SH2D7: variants seen among roughly 807,000 people sequenced by gnomAD.
The protein encoded by SH2D7 is SH2 domain containing 7.
Under a neutral mutation model 40.8 loss-of-function variants are expected in SH2D7, and 32 were observed. The ratio of observed to expected loss-of-function variants is 0.78; its 90% confidence interval spans 0.59 to 1.05. The LOEUF (loss-of-function observed/expected upper bound fraction) is 1.05, where lower values mean the gene tolerates loss of function less well. SH2D7 is among the 50% of genes least tolerant of loss of function. The pLI, the probability that SH2D7 is intolerant of heterozygous loss-of-function variation, is 0.00. For synonymous variants in SH2D7, 195 were observed against 221.5 expected (o/e 0.88, Z 1.06); for missense variants, 559 against 566.6 (o/e 0.99, Z 0.14).
chr15:78,103,574 T>C lies in SH2D7; in HGVS notation c.*59T>C. ...CCTGGTACCCAGGCCATGCCAGGGG[T>C]TATCGCAAAGGCCTCAGCTCACTTG... On this transcript the variant is annotated 3_prime_UTR_variant, in exon 6 of 6. Transcript: ENST00000328828. The C allele has an allele frequency of 6.5e-7, 1 of 1,541,716 alleles. No homozygotes were observed. Among genetic ancestry groups the C allele is most frequent in the African/African-American group, 1.4e-5 (1 of 72,960 alleles).
intron 5 of SH2D7, 119 bp from the exon 6 acceptor site, chr15:78,103,346 C>A: frequency 8.7e-7 from 1 of 1,145,852 alleles, no homozygotes; most frequent in Non-Finnish European, 1.2e-6. Flanking sequence ...GAATTCCAAC[C>A]TGGCCTCATG....
rs749975553 is a variant in SH2D7 at position 78,101,036 on chromosome 15, C to T, written c.783C>T (p.Ser261=). 25 of 1,611,034 alleles carry T rather than the reference C, an allele frequency of 1.6e-5. No individual in the cohort carries two copies. The highest frequency in any genetic ancestry group is 6.6e-5 in the South Asian group (6 of 90,634). ...QARLGLGTEG[S]GRHGPVPAGS... is the part of the protein sequence containing the mutation. ...GGCTAGGCTTGGGCACAGAGGGGTC[C>T]GGCAGGCATGGGCCAGTTCCAGCTG... The change falls in exon 5 of 6, where the codon TCC becomes TCT. Residue 261 remains serine, a synonymous_variant. Transcript: ENST00000328828.
At chr15:78,098,235 A>G (rs1036169798) in intron 3 of SH2D7, 141 bp downstream of exon 3, 4 of 1,390,070 alleles carry the variant, frequency 2.9e-6, no homozygotes, top group Admixed American at 2.3e-5. Context: ...CATGATCCCT[A>G]TTGGAAAAAG....
intron 2 of SH2D7, among the ~76,000 whole-genome samples, chr15:78,096,170 A>G (rs538463941): frequency 6.6e-6 from 1 of 152,268 alleles, no homozygotes; most frequent in East Asian, 1.9e-4. Context: ...TAATTCTTAT[A>G]AAGAGATATT....
intron 5 of SH2D7, among the ~76,000 whole-genome samples, chr15:78,103,164 G>A (rs1011179488): frequency 6.6e-6 from 1 of 152,134 alleles, no homozygotes; most frequent in Non-Finnish European, 1.5e-5. Context: ...CCCCAGCTGT[G>A]GGTCAGGGGA....
chr15:78,090,626 T>TCAC (rs1259419647), upstream of SH2D7, among the ~76,000 whole-genome samples: 4 of 78,138 alleles, frequency 5.1e-5, no homozygotes, highest in Non-Finnish European at 8.8e-5. Flanking sequence ...TGCATCACCA[T>TCAC]CATCATCATC....
At chr15:78,099,480 ATTT>A (rs34331155) in intron 4 of SH2D7, among the ~76,000 whole-genome samples, 7 of 133,112 alleles carry the variant, frequency 5.3e-5, no homozygotes, top group Non-Finnish European at 4.8e-5. Flanking sequence ...TGCCTGGCTA[ATTT>A]TTTTTTTTTT....
In SH2D7 at chr15:78,101,437, C is replaced by A. The variant is rs1474789474; in HGVS notation, c.1184C>A (p.Thr395Lys). 8.1e-6 allele frequency: 13 copies of A among 1,613,304 alleles called. No homozygotes were observed. In the East Asian group the frequency reaches 2.9e-4, roughly 36 times the overall value. Residue 395 changes from threonine (T) to lysine (K), a missense_variant, in exon 5 of 6, where the codon ACA becomes AAA. Transcript: ENST00000328828. ...GCCCCACATCCTGGGGCCAGTCCCA[C>A]ATATAGCCCATGGGTCCATGGCTAC... ...ARAPHPGASP[T>K]YSPWVHGYKR...
intron 5 of SH2D7, among the ~76,000 whole-genome samples, chr15:78,101,982 T>C (rs1280586840): frequency 2.6e-5 from 4 of 152,326 alleles, no homozygotes; most frequent in Non-Finnish European, 4.4e-5. Flanking sequence ...CCAGGCATGG[T>C]GGCTCATGTC....
In SH2D7 at chr15:78,098,508, C is replaced by T; in HGVS notation, c.557C>T (p.Ser186Phe). 3.7e-6 allele frequency: 6 copies of T among 1,614,056 alleles called. No homozygotes were observed. Among genetic ancestry groups the T allele is most frequent in the Non-Finnish European group, 5.1e-6 (6 of 1,179,892 alleles). ...VVPDKAASPR[S>F]SPKPQVSFLH... is the part of the protein sequence containing the mutation. ...CCCGACAAGGCCGCCAGCCCCCGCT[C>T]TTCTCCAAAGCCCCAGGTCTCCTTC... The change falls in exon 4 of 6, where the codon TCT (serine) becomes TTT (phenylalanine). Residue 186 changes from serine (S) to phenylalanine (F), a missense_variant. Physicochemically the swap from Ser to Phe is radical, Grantham distance 155. Coordinates refer to ENST00000328828, the MANE Select transcript of SH2D7 (RefSeq NM_001101404.2).
chr15:78,095,857 T>A (rs1246054494), intron 2 of SH2D7, among the ~76,000 whole-genome samples: 6 of 152,122 alleles, frequency 3.9e-5, no homozygotes, highest in Admixed American at 2.0e-4. Context: ...TTATTTATTT[T>A]TTGGAGACAG....
At chr15:78,094,052 C>G in intron 1 of SH2D7, 60 bp from the exon 2 acceptor site, 5 of 1,500,962 alleles carry the variant, frequency 3.3e-6, no homozygotes, top group Non-Finnish European at 3.6e-6. Context: ...AGGCCTAAGT[C>G]AGGCTGCACC....
Position 78,103,527 on chromosome 15 carries a change from C to T in SH2D7, c.*12C>T. On this transcript the variant is annotated 3_prime_UTR_variant, in exon 6 of 6. Coordinates refer to ENST00000328828, the MANE Select transcript of SH2D7 (RefSeq NM_001101404.2). ...AGCACAAATTCTGAGGGCCTGGCAT[C>T]CGGCAGCCCACCAGTGGGTTTCCTG... 1 of 1,561,170 alleles carries T rather than the reference C, an allele frequency of 6.4e-7. No homozygotes were observed. Among genetic ancestry groups the T allele is most frequent in the Non-Finnish European group, 8.7e-7 (1 of 1,151,846 alleles).
At chr15:78,098,728 G>T in intron 4 of SH2D7, 132 bp downstream of exon 4, 1 of 1,081,606 alleles carries the variant, frequency 9.2e-7, no homozygotes, top group Non-Finnish European at 1.3e-6. Flanking sequence ...GCCCAGAGGT[G>T]CGGACCCAGC....
intron 3 of SH2D7, 111 bp from the exon 4 acceptor site, chr15:78,098,273 G>T (rs2073987181): frequency 2.1e-6 from 3 of 1,438,940 alleles, no homozygotes; most frequent in Non-Finnish European, 2.8e-6. Context: ...CTTACCTGAG[G>T]TCAGAGACCT....
At chr15:78,103,368 G>C in intron 5 of SH2D7, 97 bp from the exon 6 acceptor site, 1 of 1,423,256 alleles carries the variant, frequency 7.0e-7, no homozygotes, top group Non-Finnish European at 9.5e-7. Context: ...CCTAGGCTTG[G>C]GCCCCCAACC....
chr15:78,096,426 A>C (rs576132502), intron 2 of SH2D7, among the ~76,000 whole-genome samples: 40 of 152,330 alleles, frequency 2.6e-4, no homozygotes, highest in African/African-American at 9.6e-4. Flanking sequence ...AACACAAATT[A>C]AAGCCACAAT....
At chr15:78,100,101 T>C (rs2074003340) in intron 4 of SH2D7, among the ~76,000 whole-genome samples, 1 of 152,192 alleles carries the variant, frequency 6.6e-6, no homozygotes, top group Non-Finnish European at 1.5e-5. Flanking sequence ...CAAACCATAT[T>C]GTGCTACACA....
At position 78,099,593 on chromosome 15, in the gene SH2D7, C is replaced by A. The variant is rs553596947; in HGVS notation, c.645+997C>A. Among the ~76,000 whole-genome samples the A allele has an allele frequency of 3.3e-5, 5 of 151,768 alleles. No homozygotes were observed. The South Asian group carries it at 1.0e-3, about 32-fold the overall frequency. ...CCGCCTACCTCGGCCTCCCAAAGTG[C>A]TAGGATTACAAGCGTGAGCCACAGC... is the stretch of plus-strand genomic sequence containing the variant. On this transcript the variant is annotated intron_variant, in intron 4 of 5. Transcript: ENST00000328828.
Sources: gnomAD v4.1 joint callset for allele counts (sites outside exome capture counted in the v4.1 genomes callset) on GRCh38, gnomAD v4.1.1 for gene constraint, MANE v1.5 for transcripts, NCBI Gene and HGNC (gene_info 2026-07-23, HGNC 2026-07-21) for gene names.